ARFIP1: variants seen among roughly 807,000 people sequenced by gnomAD.
ARFIP1 encodes ARF interacting protein 1.
A neutral mutation model predicts 42.5 loss-of-function variants in ARFIP1; 24 were observed. The ratio of observed to expected loss-of-function variants is 0.57; its 90% CI spans 0.41 to 0.80. ARFIP1 has a LOEUF of 0.80. Ranked by LOEUF, ARFIP1 falls within the 30% of genes least tolerant of loss-of-function variation. The probability of loss-of-function intolerance (pLI) is 0.00; values close to 1 mark genes in which losing one functional copy is unlikely to be tolerated. For missense variants in ARFIP1, 354 were observed against 434.0 expected (o/e 0.82, Z 1.64); for synonymous variants, 141 against 153.7 (o/e 0.92, Z 0.61).
At chr4:152,785,820 A>AATT (rs1369163439) in intron 1 of ARFIP1, among the ~76,000 whole-genome samples, 1 of 152,212 alleles carries the variant, frequency 6.6e-6, no homozygotes, top group Non-Finnish European at 1.5e-5. Flanking sequence ...AAGTTAGTTA[A>AATT]AATTAAATAC....
At position 152,879,817 on chromosome 4, in the gene ARFIP1, C is replaced by G. The variant is rs550115305; in HGVS notation, c.412-1146C>G. 3.9e-5 allele frequency among the ~76,000 whole-genome samples: 6 copies of G among 152,192 alleles called. No homozygotes were observed. The East Asian group carries it at 1.2e-3, about 29-fold the overall frequency. On this transcript the variant is annotated intron_variant, in intron 5 of 8. Coordinates refer to ENST00000353617, the MANE Select transcript of ARFIP1 (RefSeq NM_001025595.3). The stretch of plus-strand genomic sequence containing the variant: ...TGAGCTGAGGCTGCACCATTGCACT[C>G]CAGCCTGGGCAACAGGAGCAAAACT...
chr4:152,878,637 A>G (rs1307192015), intron 5 of ARFIP1, among the ~76,000 whole-genome samples: 1 of 152,180 alleles, frequency 6.6e-6, no homozygotes, highest in Admixed American at 6.5e-5. Flanking sequence ...TTGCCTTATA[A>G]TCAGTATCAT....
intron 1 of ARFIP1, among the ~76,000 whole-genome samples, chr4:152,789,635 G>A (rs1578800797): frequency 6.6e-6 from 1 of 152,060 alleles, no homozygotes; most frequent in East Asian, 1.9e-4. Flanking sequence ...AGAGTTTTTT[G>A]TCTATTCTCC....
At chr4:152,852,200 G>A (rs1366214961) in intron 2 of ARFIP1, among the ~76,000 whole-genome samples, 2 of 152,126 alleles carry the variant, frequency 1.3e-5, no homozygotes, top group Non-Finnish European at 2.9e-5. Flanking sequence ...ATGCAAATTA[G>A]GAATTTTATG....
chr4:152,893,258 A>T (rs922877750), intron 8 of ARFIP1, among the ~76,000 whole-genome samples: 4 of 152,194 alleles, frequency 2.6e-5, no homozygotes, highest in African/African-American at 9.7e-5. Context: ...AGAGGATAAA[A>T]GGCAGAATCC....
intron 2 of ARFIP1, chr4:152,850,711 T>C (rs1002778064): frequency 6.6e-5 from 10 of 152,226 alleles, no homozygotes; most frequent in African/African-American, 1.9e-4. Context: ...CCTCAGGTGA[T>C]TCCTACTGAA....
intron 1 of ARFIP1, among the ~76,000 whole-genome samples, chr4:152,790,532 CTGAG>C (rs530770599): frequency 7.2e-5 from 11 of 152,256 alleles, no homozygotes; most frequent in African/African-American, 2.2e-4. Context: ...GTAACACAGT[CTGAG>C]TGGGGAAATT....
At chr4:152,849,871 C>T (rs1732844660) in intron 2 of ARFIP1, among the ~76,000 whole-genome samples, 1 of 152,102 alleles carries the variant, frequency 6.6e-6, no homozygotes, top group Non-Finnish European at 1.5e-5. Flanking sequence ...TTTAGGTTGC[C>T]TGAGTGGAAT....
chr4:152,842,330 GAAAA>G (rs57030471), intron 2 of ARFIP1, among the ~76,000 whole-genome samples: 2 of 112,990 alleles, frequency 1.8e-5, no homozygotes, highest in Non-Finnish European at 3.8e-5. Context: ...TCTTGCAACT[GAAAA>G]AAAAAAAAAA....
chr4:152,905,832 C>T (rs1412204028), intron 8 of ARFIP1, among the ~76,000 whole-genome samples: 4 of 151,940 alleles, frequency 2.6e-5, no homozygotes, highest in Non-Finnish European at 5.9e-5. Context: ...GGATTACAGG[C>T]ATGGGCCACC....
intron 1 of ARFIP1, among the ~76,000 whole-genome samples, chr4:152,785,512 A>G (rs985693904): frequency 2.0e-5 from 3 of 152,238 alleles, no homozygotes; most frequent in Non-Finnish European, 4.4e-5. Flanking sequence ...TATATTGCCC[A>G]GGGTGGTCTT....
chr4:152,866,382 G>C, intron 3 of ARFIP1, among the ~76,000 whole-genome samples: 2 of 152,218 alleles, frequency 1.3e-5, no homozygotes, highest in Non-Finnish European at 2.9e-5. Flanking sequence ...TGAGCTGTTG[G>C]GTACACCTCC....
At chr4:152,875,992 C>T (rs1578987572) in intron 5 of ARFIP1, among the ~76,000 whole-genome samples, 2 of 152,118 alleles carry the variant, frequency 1.3e-5, no homozygotes, top group Admixed American at 6.5e-5. Flanking sequence ...AAGTACCTTT[C>T]GCCTCCTGCC....
At chr4:152,831,826 A>T (rs1177833192) in intron 2 of ARFIP1, among the ~76,000 whole-genome samples, 1 of 152,072 alleles carries the variant, frequency 6.6e-6, no homozygotes, top group African/African-American at 2.4e-5. Context: ...GGTTTGTTAC[A>T]TAGGTATACA....
chr4:152,816,841 T>C (rs977301428), intron 1 of ARFIP1, among the ~76,000 whole-genome samples: 10 of 152,262 alleles, frequency 6.6e-5, no homozygotes, highest in Admixed American at 6.5e-4. Context: ...TGACTCTTTT[T>C]CCACTCTCCT....
intron 1 of ARFIP1, among the ~76,000 whole-genome samples, chr4:152,799,990 T>G (rs1458753955): frequency 6.6e-6 from 1 of 152,176 alleles, no homozygotes; most frequent in Non-Finnish European, 1.5e-5. Flanking sequence ...TGTCTGGAAA[T>G]TAACATTGAA....
intron 2 of ARFIP1, among the ~76,000 whole-genome samples, chr4:152,837,588 G>A (rs1402284301): frequency 9.9e-5 from 15 of 152,092 alleles, no homozygotes; most frequent in Admixed American, 9.8e-4. Flanking sequence ...TTTGAGAATT[G>A]TCTATTCATA....
At chr4:152,808,680 T>A (rs996865685) in intron 1 of ARFIP1, among the ~76,000 whole-genome samples, 1 of 152,132 alleles carries the variant, frequency 6.6e-6, no homozygotes, top group Non-Finnish European at 1.5e-5. Context: ...CGCCTTCTAA[T>A]GGGTGTATAA....
At chr4:152,910,006 C>T in intron 8 of ARFIP1, 58 bp from the exon 9 acceptor site, 2 of 1,551,530 alleles carry the variant, frequency 1.3e-6, no homozygotes, top group Non-Finnish European at 1.8e-6. Flanking sequence ...ATAAATCACT[C>T]TCTATTTTAT....
Sources: gnomAD v4.1 joint callset for allele counts (sites outside exome capture counted in the v4.1 genomes callset) on GRCh38, gnomAD v4.1.1 for gene constraint, MANE v1.5 for transcripts, NCBI Gene and HGNC (gene_info 2026-07-23, HGNC 2026-07-21) for gene names.